Variants in CNTN4 observed in about 807,000 individuals in gnomAD.
CNTN4 encodes contactin-4.
CNTN4 carries 77 observed loss-of-function variants against 122.5 expected under a neutral mutation model. That is an observed-to-expected ratio of 0.63 (90% CI 0.52 to 0.76). CNTN4 has a LOEUF of 0.76. Ranked by LOEUF, CNTN4 falls within the 30% of genes least tolerant of loss-of-function variation. The probability of loss-of-function intolerance (pLI) is 0.00; values close to 1 mark genes in which losing one functional copy is unlikely to be tolerated. For synonymous variants in CNTN4, 512 were observed against 447.0 expected (o/e 1.15, Z -1.83); for missense variants, 1,256 against 1,259.1 (o/e 1.00, Z 0.04).
chr3:2,795,901 A>T (rs534557836), intron 6 of CNTN4, among the ~76,000 whole-genome samples: 1 of 152,348 alleles, frequency 6.6e-6, no homozygotes, highest in Non-Finnish European at 1.5e-5. Flanking sequence ...ATAAAAATAT[A>T]TAACATTTGA....
intron 4 of CNTN4, among the ~76,000 whole-genome samples, chr3:2,703,102 C>G (rs2086451164): frequency 6.6e-6 from 1 of 152,156 alleles, no homozygotes; most frequent in Non-Finnish European, 1.5e-5. Context: ...TTCTTATTAT[C>G]CTAATTCTAC....
At chr3:3,003,103 A>G (rs1303864999) in intron 14 of CNTN4, among the ~76,000 whole-genome samples, 1 of 152,198 alleles carries the variant, frequency 6.6e-6, no homozygotes, top group African/African-American at 2.4e-5. Context: ...AAGCCACTTC[A>G]AATGGCTCAT....
intron 14 of CNTN4, among the ~76,000 whole-genome samples, chr3:2,994,842 G>T (rs1398361847): frequency 6.6e-6 from 1 of 152,114 alleles, no homozygotes; most frequent in Non-Finnish European, 1.5e-5. Context: ...GCTTTATACA[G>T]ATTTGACAGG....
intron 4 of CNTN4, among the ~76,000 whole-genome samples, chr3:2,681,442 A>T (rs2085159843): frequency 6.6e-6 from 1 of 152,196 alleles, no homozygotes; most frequent in South Asian, 2.1e-4. Context: ...TCAGGAGATG[A>T]CTTAGAGAAG....
chr3:2,973,689 G>A (rs1259516978), intron 13 of CNTN4, among the ~76,000 whole-genome samples: 1 of 151,992 alleles, frequency 6.6e-6, no homozygotes, highest in East Asian at 1.9e-4. Context: ...ATAAAGGACT[G>A]TATAAAATGA....
intron 4 of CNTN4, among the ~76,000 whole-genome samples, chr3:2,608,648 A>AT (rs1219160138): frequency 2.6e-5 from 4 of 151,904 alleles, no homozygotes; most frequent in Non-Finnish European, 4.4e-5. Flanking sequence ...TGCCTGGCTA[A>AT]TTTTTTCTCT....
chr3:2,692,478 T>C (rs1459943902), intron 4 of CNTN4, among the ~76,000 whole-genome samples: 2 of 152,180 alleles, frequency 1.3e-5, no homozygotes, highest in African/African-American at 4.8e-5. Flanking sequence ...TTGGAACACG[T>C]GGGATCTTTT....
At chr3:2,568,672 A>G (rs2079288942) in intron 3 of CNTN4, among the ~76,000 whole-genome samples, 1 of 152,176 alleles carries the variant, frequency 6.6e-6, no homozygotes, top group South Asian at 2.1e-4. Context: ...AGCTCCCTTC[A>G]GAAAACCGGA....
intron 2 of CNTN4, among the ~76,000 whole-genome samples, chr3:2,203,760 A>G (rs2038215391): frequency 6.6e-6 from 1 of 152,188 alleles, no homozygotes; most frequent in African/African-American, 2.4e-5. Flanking sequence ...GACCTCCTTG[A>G]AAGCACAACT....
intron 3 of CNTN4, among the ~76,000 whole-genome samples, chr3:2,549,405 A>G (rs766004077): frequency 5.3e-5 from 8 of 152,180 alleles, no homozygotes; most frequent in Admixed American, 3.3e-4. Context: ...AGTTTTTAGC[A>G]TGAAGAGGTG....
At chr3:2,642,050 G>A (rs1358961670) in intron 4 of CNTN4, among the ~76,000 whole-genome samples, 8 of 152,172 alleles carry the variant, frequency 5.3e-5, no homozygotes, top group Non-Finnish European at 8.8e-5. Flanking sequence ...TTATTAAGGA[G>A]CACTAACTCA....
In CNTN4 at chr3:2,385,624, C is replaced by T. The variant is rs184735455; in HGVS notation, c.-89+46391C>T. Among the ~76,000 whole-genome samples, 1 of 152,062 alleles carries T rather than the reference C, an allele frequency of 6.6e-6. No individual in the cohort carries two copies. The highest frequency in any genetic ancestry group is 1.5e-5 in the Non-Finnish European group (1 of 68,034). ...CGCATCTCTCAGCTTCTGTTAGCCC[C>T]AGTTGTTCTGCAGCTTGTGGGAGCA... On this transcript the variant is annotated intron_variant, in intron 3 of 24. Coordinates refer to ENST00000418658, the MANE Select transcript of CNTN4 (RefSeq NM_175607.3). This position sits in a 1 kb window ranked among gnomAD's most constrained non-coding sequence, Gnocchi z 4.0.
At chr3:2,867,577 C>T (rs377337567) in intron 8 of CNTN4, among the ~76,000 whole-genome samples, 3 of 152,150 alleles carry the variant, frequency 2.0e-5, no homozygotes, top group South Asian at 2.1e-4. Flanking sequence ...TTTCCCACCA[C>T]GGGTTTTTAT....
At chr3:2,104,519 T>G (rs1202025266) in intron 2 of CNTN4, among the ~76,000 whole-genome samples, 1 of 152,198 alleles carries the variant, frequency 6.6e-6, no homozygotes, top group Non-Finnish European at 1.5e-5. Flanking sequence ...TTTATGGCTT[T>G]GTTCATCTTT....
At chr3:2,259,589 AC>A (rs1192484088) in intron 2 of CNTN4, among the ~76,000 whole-genome samples, 3 of 152,228 alleles carry the variant, frequency 2.0e-5, no homozygotes, top group African/African-American at 7.2e-5. Context: ...GGCACATCTT[AC>A]ATGGCTGCAG....
At chr3:2,409,249 CTTTT>C (rs372224744) in intron 3 of CNTN4, among the ~76,000 whole-genome samples, 2 of 132,636 alleles carry the variant, frequency 1.5e-5, no homozygotes, top group African/African-American at 2.8e-5. Flanking sequence ...CTTTTCTTTT[CTTTT>C]TTTTTTTTTT....
At chr3:2,929,991 G>T (rs1448261319) in intron 13 of CNTN4, among the ~76,000 whole-genome samples, 1 of 152,180 alleles carries the variant, frequency 6.6e-6, no homozygotes, top group East Asian at 1.9e-4. Flanking sequence ...TCCTTCCCTG[G>T]TTACTAATAA....
chr3:2,464,188 A>C (rs1396517163), intron 3 of CNTN4, among the ~76,000 whole-genome samples: 1 of 152,194 alleles, frequency 6.6e-6, no homozygotes, highest in Non-Finnish European at 1.5e-5. Context: ...GGGTCCTAGC[A>C]GTCCAATATG....
intron 13 of CNTN4, among the ~76,000 whole-genome samples, chr3:2,959,205 G>A (rs2124969775): frequency 6.6e-6 from 1 of 152,202 alleles, no homozygotes; most frequent in African/African-American, 2.4e-5. Context: ...TTGACATCAG[G>A]AAAAGAATAT....
Sources: gnomAD v4.1 joint callset for allele counts (sites outside exome capture counted in the v4.1 genomes callset) on GRCh38, gnomAD v4.1.1 for gene constraint, Gnocchi (gnomAD v3.1) non-coding constraint, MANE v1.5 for transcripts, NCBI Gene and HGNC (gene_info 2026-07-23, HGNC 2026-07-21) for gene names.